The following RNF216 variants were observed in gnomAD, a reference collection of about 807,000 sequenced individuals.
The protein encoded by RNF216 is E3 ubiquitin-protein ligase RNF216.
In RNF216, 72 loss-of-function variants were observed where a neutral mutation model predicts 110.8. The observed-to-expected ratio is 0.65, with a 90% confidence interval of 0.54 to 0.79. RNF216 has a LOEUF of 0.79. Ranked by LOEUF, RNF216 falls within the 30% of genes least tolerant of loss-of-function variation. RNF216 has a pLI of 0.00. For missense variants in RNF216, 1,342 were observed against 1,141.2 expected, an observed-to-expected ratio of 1.18 and a Z score of -2.54; for synonymous variants, 495 against 407.5, an observed-to-expected ratio of 1.21 and a Z score of -2.59.
At chr7:5,741,898 A>G in intron 3 of RNF216, 83 bp from the exon 4 acceptor site, 1 of 1,425,262 alleles carries the variant, frequency 7.0e-7, no homozygotes. Flanking sequence ...CTTCCGAGAT[A>G]GGACAGGAAA....
chr7:5,740,650 A>G (rs1361899420), intron 4 of RNF216, among the ~76,000 whole-genome samples: 1 of 152,186 alleles, frequency 6.6e-6, no homozygotes, highest in African/African-American at 2.4e-5. Flanking sequence ...AGGTAATTCA[A>G]TAAAACTGCT....
chr7:5,633,199 G>A (rs1030878592), intron 15 of RNF216, among the ~76,000 whole-genome samples: 90 of 151,856 alleles, frequency 5.9e-4, no homozygotes, highest in African/African-American at 2.1e-3. Flanking sequence ...GGCTGGTCTC[G>A]AACTCCTGAC....
chr7:5,762,645 T>C (rs1456463985), intron 1 of RNF216, among the ~76,000 whole-genome samples: 2 of 150,860 alleles, frequency 1.3e-5, no homozygotes, highest in Non-Finnish European at 3.0e-5. Context: ...TGAGCCGAGA[T>C]CACACCACTG....
intron 1 of RNF216, among the ~76,000 whole-genome samples, chr7:5,781,113 C>T (rs1209070340): frequency 6.6e-6 from 1 of 152,220 alleles, no homozygotes; most frequent in African/African-American, 2.4e-5. Flanking sequence ...CGCCGCCCGC[C>T]TGGGCTGGGG....
intron 13 of RNF216, among the ~76,000 whole-genome samples, chr7:5,653,549 C>A (rs1395221692): frequency 7.6e-6 from 1 of 131,096 alleles, no homozygotes; most frequent in African/African-American, 2.9e-5. Context: ...TGCAGTGAGC[C>A]GAGATCGCGC....
rs548801544 is a variant in RNF216, at chr7:5,777,627, T to A, written c.-70+3914A>T. ...AGATCAGGTGACCACAGGATGGTGA[T>A]GCTATTAAGGAAGAACAAAGCAGAT... On this transcript the variant is annotated intron_variant, in intron 1 of 16. Transcript: ENST00000389902. 3 of 152,348 alleles carry A rather than the reference T, an allele frequency of 2.0e-5. No individual in the cohort carries two copies. The South Asian group carries it at 6.2e-4, about 32-fold the overall frequency. 9.4% of individuals were successfully genotyped at this position (152,348 alleles called of 1,614,324 possible).
rs749739000 is a variant in RNF216, at chr7:5,624,024, T to C, written c.2452+32A>G. 12 of 1,599,854 alleles carry C rather than the reference T, an allele frequency of 7.5e-6. No homozygotes were observed. The highest frequency in any genetic ancestry group is 5.6e-5 in the South Asian group (5 of 90,042). ...GAAGCCTGCATGGCCTGGCTGCTGC[T>C]CTGTCCTGGGGGCCTGGGGAGGGGC... On this transcript the variant is annotated intron_variant, in intron 16 of 16. Coordinates refer to ENST00000389902, the MANE Select transcript of RNF216 (RefSeq NM_207111.4). This position sits in a 1 kb window ranked among gnomAD's most constrained non-coding sequence, Gnocchi z 4.4.
intron 14 of RNF216, among the ~76,000 whole-genome samples, chr7:5,643,948 CGT>C (rs1239270743): frequency 1.3e-5 from 2 of 152,156 alleles, no homozygotes; most frequent in East Asian, 1.9e-4. Context: ...GGAAATCACA[CGT>C]GTGTTTTTGT....
At chr7:5,686,646 T>C (rs541032814) in intron 13 of RNF216, among the ~76,000 whole-genome samples, 166 of 152,350 alleles carry the variant, frequency 1.1e-3, no homozygotes, top group Admixed American at 2.0e-3. Flanking sequence ...ACATGTGAGC[T>C]GGGTTTGGAA....
At chr7:5,778,933 G>A (rs879687617) in intron 1 of RNF216, among the ~76,000 whole-genome samples, 5 of 152,100 alleles carry the variant, frequency 3.3e-5, no homozygotes, top group African/African-American at 7.2e-5. Flanking sequence ...TAGTAGAGAC[G>A]GGGTTTCACC....
At chr7:5,632,428 G>A (rs73676618) in intron 15 of RNF216, among the ~76,000 whole-genome samples, 1,561 of 152,340 alleles carry the variant, frequency 0.01, 29 homozygotes, top group African/African-American at 0.036. Flanking sequence ...CCTTTCTGAT[G>A]AGCAAGGCCA....
intron 11 of RNF216, 46 bp downstream of exon 11, chr7:5,715,007 C>T: frequency 6.4e-7 from 1 of 1,552,924 alleles, no homozygotes; most frequent in South Asian, 1.2e-5. Context: ...TCCTTAGACT[C>T]CAGGAATGTG....
chr7:5,654,161 A>G (rs1788583185), intron 13 of RNF216, among the ~76,000 whole-genome samples: 1 of 152,216 alleles, frequency 6.6e-6, no homozygotes, highest in African/African-American at 2.4e-5. Context: ...AGGCCCAGAC[A>G]AGGGTGGTGG....
At position 5,623,119 on chromosome 7, in the gene RNF216, A is replaced by G. The variant is rs1392809226; in HGVS notation, c.2513T>C (p.Val838Ala). The G allele has an allele frequency of 8.1e-6, 13 of 1,599,754 alleles. No individual in the cohort carries two copies. In the Admixed American group the frequency reaches 8.4e-5, roughly 10 times the overall value. ...CGGAACGGGCCTCGGGAGGGCCTCC[A>G]CCCTCTGCACCTTCTCCACAGGCTT... ...LEKPVEKVQR[V>A]EALPRPVPQN... The change falls in exon 17 of 17, where the codon GTG becomes GCG. Residue 838 changes from valine (V) to alanine (A), a missense_variant. Val to Ala is a moderately conservative substitution (Grantham distance 64). Coordinates refer to ENST00000389902, the MANE Select transcript of RNF216 (RefSeq NM_207111.4).
rs1037230496 is a variant in RNF216, at chr7:5,622,466, A to C, written c.*394T>G. The C allele has an allele frequency of 5.8e-6, 1 of 173,892 alleles. No individual in the cohort carries two copies. The highest frequency in any genetic ancestry group is 1.2e-5 in the Non-Finnish European group (1 of 82,730). 10.8% of individuals were successfully genotyped at this position (173,892 alleles called of 1,614,324 possible). A position where few individuals can be genotyped will look rare whatever the true frequency, so the allele number is the denominator to read the frequency against. ...TGCAGCCCCCTCTGCCCTTGGCCCAACCGTGGGCCCCTCCAGGGAGATGCT... is the reference window on the plus strand; with the variant it reads ...TGCAGCCCCCTCTGCCCTTGGCCCACCCGTGGGCCCCTCCAGGGAGATGCT... On this transcript the variant is annotated 3_prime_UTR_variant, in exon 17 of 17. Coordinates refer to ENST00000389902, the MANE Select transcript of RNF216 (RefSeq NM_207111.4).
intron 7 of RNF216, among the ~76,000 whole-genome samples, chr7:5,726,283 C>G (rs1584519735): frequency 6.6e-6 from 1 of 151,994 alleles, no homozygotes; most frequent in Admixed American, 6.5e-5. Flanking sequence ...TCAAACAAAA[C>G]AAAACTGTCC....
intron 3 of RNF216, among the ~76,000 whole-genome samples, chr7:5,743,530 T>G (rs1350655840): frequency 1.6e-4 from 25 of 152,196 alleles, no homozygotes; most frequent in Admixed American, 1.6e-3. Context: ...GAAGCTTCAC[T>G]AAGAAATGCC....
chr7:5,752,102 T>C (rs982245800), intron 3 of RNF216, among the ~76,000 whole-genome samples: 5 of 151,974 alleles, frequency 3.3e-5, no homozygotes, highest in African/African-American at 1.2e-4. Flanking sequence ...GGAGAATTGC[T>C]TGAAACCAGA....
chr7:5,706,135 G>A (rs1464367891), intron 13 of RNF216, among the ~76,000 whole-genome samples: 2 of 149,884 alleles, frequency 1.3e-5, no homozygotes, highest in South Asian at 2.1e-4. Context: ...CAGGAGAATC[G>A]CTTGCACCCG....
Sources: allele counts gnomAD v4.1 joint callset (sites outside exome capture counted in the v4.1 genomes callset), GRCh38; gene constraint gnomAD v4.1.1; non-coding constraint Gnocchi (gnomAD v3.1); transcripts MANE v1.5; gene names NCBI Gene and HGNC (gene_info 2026-07-23, HGNC 2026-07-21).